Variants in STAM observed in about 807,000 individuals in gnomAD.
STAM encodes signal transducing adaptor molecule.
STAM carries 16 observed loss-of-function variants against 63.4 expected under a neutral mutation model. That is an observed-to-expected ratio of 0.25 (90% CI 0.17 to 0.38). The LOEUF (loss-of-function observed/expected upper bound fraction) is 0.38. STAM is among the 10% of genes least tolerant of loss of function. STAM has a pLI of 1.00. For missense variants in STAM, 636 were observed against 657.1 expected, an observed-to-expected ratio of 0.97 and a Z score of 0.35; for synonymous variants, 238 against 223.9, an observed-to-expected ratio of 1.06 and a Z score of -0.56.
intron 9 of STAM, among the ~76,000 whole-genome samples, chr10:17,700,751 C>T (rs1835958405): frequency 6.6e-6 from 1 of 152,076 alleles, no homozygotes; most frequent in African/African-American, 2.4e-5. Flanking sequence ...GCGAGAACTC[C>T]TGTTTCCCAG....
At chr10:17,653,190 A>G (rs1346809244) in intron 1 of STAM, among the ~76,000 whole-genome samples, 2 of 152,196 alleles carry the variant, frequency 1.3e-5, no homozygotes, top group Non-Finnish European at 2.9e-5. Context: ...GTCCTATTTC[A>G]TAAATCATAC....
At chr10:17,678,260 AT>A (rs34286916) in intron 2 of STAM, among the ~76,000 whole-genome samples, 50,610 of 150,154 alleles carry the variant, frequency 0.34, 8,724 homozygotes, top group African/African-American at 0.42. Context: ...ATGTGGTGTA[AT>A]TTTTTTTTTG....
chr10:17,661,302 A>C (rs1196640427), intron 2 of STAM, among the ~76,000 whole-genome samples: 2 of 152,208 alleles, frequency 1.3e-5, no homozygotes, highest in Non-Finnish European at 2.9e-5. Flanking sequence ...TGTGAAAAAG[A>C]TTAGGAAGCA....
Position 17,704,847 on chromosome 10 carries a change from GA to G in STAM, c.1001-121del, listed in dbSNP as rs145072892. The stretch of plus-strand genomic sequence containing the variant: ...TTGGGTTCTGTAGACTAAGGTTAAA[GA>G]ATGTATATTTTTATTACTCCAAATT... On this transcript the variant is annotated intron_variant, in intron 10 of 13. Transcript: ENST00000377524. 1,775 of 836,182 alleles carry G rather than the reference GA, an allele frequency of 2.1e-3. 19 individuals are homozygous for G. The African/African-American group carries it at 0.027, about 13-fold the overall frequency. 51.8% of individuals were successfully genotyped at this position (836,182 alleles called of 1,614,324 possible). A position where few individuals can be genotyped will look rare whatever the true frequency, so the allele number is the denominator to read the frequency against.
intron 1 of STAM, among the ~76,000 whole-genome samples, chr10:17,645,206 T>C (rs1554820680): frequency 1.3e-5 from 2 of 152,190 alleles, no homozygotes; most frequent in Non-Finnish European, 2.9e-5. Flanking sequence ...TTTGGTTTAA[T>C]TTGAACGCAC....
At chr10:17,685,717 A>T (rs2131634277) in intron 4 of STAM, among the ~76,000 whole-genome samples, 1 of 152,312 alleles carries the variant, frequency 6.6e-6, no homozygotes, top group African/African-American at 2.4e-5. Flanking sequence ...GAAAACATGC[A>T]GCTGGCTAGG....
intron 2 of STAM, among the ~76,000 whole-genome samples, chr10:17,664,130 GTGCCTACA>G (rs1309828667): frequency 1.3e-5 from 2 of 152,056 alleles, no homozygotes; most frequent in Non-Finnish European, 2.9e-5. Flanking sequence ...CCTAGGCCCT[GTGCCTACA>G]TGCATAAGCG....
intron 2 of STAM, among the ~76,000 whole-genome samples, chr10:17,670,536 C>G (rs946141127): frequency 6.6e-6 from 1 of 152,022 alleles, no homozygotes; most frequent in Non-Finnish European, 1.5e-5. Context: ...TTTGGTGATT[C>G]CTCTCTCCCC....
chr10:17,655,224 T>C (rs1554821996), intron 1 of STAM, among the ~76,000 whole-genome samples: 1 of 152,218 alleles, frequency 6.6e-6, no homozygotes, highest in Non-Finnish European at 1.5e-5. Flanking sequence ...TGGTAGGGTA[T>C]GGCGTGGACT....
At chr10:17,646,733 C>T (rs1554820871) in intron 1 of STAM, among the ~76,000 whole-genome samples, 1 of 152,174 alleles carries the variant, frequency 6.6e-6, no homozygotes, top group Non-Finnish European at 1.5e-5. Context: ...CAGAGATTCC[C>T]AGTACATAAG....
At chr10:17,691,256 C>T (rs906431859) in intron 5 of STAM, among the ~76,000 whole-genome samples, 6 of 152,160 alleles carry the variant, frequency 3.9e-5, no homozygotes, top group South Asian at 2.1e-4. Flanking sequence ...CGGTGGCTCA[C>T]GCCTGTAATC....
At position 17,707,485 on chromosome 10, in the gene STAM, C is replaced by T. The variant is rs563801578; in HGVS notation, c.1210-1291C>T. Among the ~76,000 whole-genome samples the T allele has an allele frequency of 2.0e-5, 3 of 152,046 alleles. No individual in the cohort carries two copies. The South Asian group carries it at 6.2e-4, about 32-fold the overall frequency. ...CTCCATTTTTTCCATGTAAAGTGGG[C>T]ACGGACTGTGTTCAGATTAACGTTT... is the stretch of plus-strand genomic sequence containing the variant. On this transcript the variant is annotated intron_variant, in intron 12 of 13. Coordinates refer to ENST00000377524, the MANE Select transcript of STAM (RefSeq NM_003473.4).
chr10:17,680,812 T>C (rs1398962908), intron 2 of STAM, among the ~76,000 whole-genome samples: 1 of 152,228 alleles, frequency 6.6e-6, no homozygotes, highest in Non-Finnish European at 1.5e-5. Context: ...AGTTCATCCC[T>C]GTTATAGCGT....
chr10:17,659,715 G>A lies in STAM; in HGVS notation c.41-749G>A, dbSNP rs188576736. 1.5e-3 allele frequency among the ~76,000 whole-genome samples: 222 copies of A among 151,548 alleles called. 6 individuals are homozygous for A. In the South Asian group the frequency reaches 0.027, roughly 19 times the overall value. Reference sequence around the variant, plus strand: ...CATCCTCAAGTGATCCTCCCACCTCGGCCTCCCAAAATGCTGGGATTACAG... The same window carrying A: ...CATCCTCAAGTGATCCTCCCACCTCAGCCTCCCAAAATGCTGGGATTACAG... On this transcript the variant is annotated intron_variant, in intron 1 of 13. Transcript: ENST00000377524.
chr10:17,698,304 T>A (rs1158329022), intron 8 of STAM, among the ~76,000 whole-genome samples: 1 of 152,108 alleles, frequency 6.6e-6, no homozygotes, highest in African/African-American at 2.4e-5. Context: ...TAATGATGTT[T>A]TGTTTGTTTT....
chr10:17,662,129 A>G lies in STAM; in HGVS notation c.125+1581A>G, dbSNP rs1181353329. Among the ~76,000 whole-genome samples, 7 of 152,148 alleles carry G rather than the reference A, an allele frequency of 4.6e-5. No individual in the cohort carries two copies. In the South Asian group the frequency reaches 6.2e-4, roughly 14 times the overall value. On this transcript the variant is annotated intron_variant, in intron 2 of 13. Coordinates refer to ENST00000377524, the MANE Select transcript of STAM (RefSeq NM_003473.4). ...TCTAATTCTTATATCCAGTTGCCGT[A>G]TAACAGCTGTGTTCATGTTACTCCC...
intron 2 of STAM, among the ~76,000 whole-genome samples, chr10:17,666,367 A>G (rs1415846771): frequency 1.3e-5 from 2 of 148,398 alleles, no homozygotes; most frequent in South Asian, 2.1e-4. Context: ...TTTGTTAAAA[A>G]TGTTTTTCCT....
chr10:17,696,379 T>G (rs116098171), intron 7 of STAM, among the ~76,000 whole-genome samples: 137 of 152,220 alleles, frequency 9.0e-4, no homozygotes, highest in African/African-American at 2.6e-3. Context: ...AAAAAAACCT[T>G]GCTGCTGTGT....
chr10:17,705,473 A>G (rs1836218549), intron 11 of STAM, 115 bp from the exon 12 acceptor site: 3 of 1,209,254 alleles, frequency 2.5e-6, no homozygotes, highest in Non-Finnish European at 1.1e-6. Flanking sequence ...TGAAATTTTT[A>G]ATAATGTCTA....
Sources: allele counts gnomAD v4.1 joint callset (sites outside exome capture counted in the v4.1 genomes callset), GRCh38; gene constraint gnomAD v4.1.1; transcripts MANE v1.5; gene names NCBI Gene and HGNC (gene_info 2026-07-23, HGNC 2026-07-21).